Variants in KIF1B observed in about 807,000 individuals in gnomAD.
KIF1B encodes the protein kinesin family member 1B.
A neutral mutation model predicts 241.9 loss-of-function variants in KIF1B; 76 were observed. The observed-to-expected ratio is 0.31, with a 90% CI of 0.26 to 0.38. The LOEUF (loss-of-function observed/expected upper bound fraction) is 0.38, where lower values mean the gene tolerates loss of function less well. Among genes scored for constraint, KIF1B ranks in the 10% least tolerant of loss-of-function variants. The pLI is 1.00. For synonymous variants in KIF1B, 750 were observed against 796.7 expected (o/e 0.94, Z 0.99); for missense variants, 1,622 against 2,271.4 (o/e 0.71, Z 5.81).
chr1:10,318,203 A>C (rs1463387428), intron 22 of KIF1B, among the ~76,000 whole-genome samples: 1 of 151,498 alleles, frequency 6.6e-6, no homozygotes, highest in Non-Finnish European at 1.5e-5. Flanking sequence ...TTCCTTTGTG[A>C]GAATAACTGA....
At chr1:10,225,359 C>T (rs772500801) in intron 1 of KIF1B, among the ~76,000 whole-genome samples, 4 of 152,112 alleles carry the variant, frequency 2.6e-5, no homozygotes, top group Non-Finnish European at 5.9e-5. Flanking sequence ...GTGGTGCACC[C>T]CTGTAGCTCC....
At chr1:10,239,400 T>C (rs1046821352) in intron 2 of KIF1B, among the ~76,000 whole-genome samples, 2 of 152,110 alleles carry the variant, frequency 1.3e-5, no homozygotes, top group Non-Finnish European at 2.9e-5. Flanking sequence ...TTCTATTCTA[T>C]TGCTGCTGAA....
At chr1:10,357,440 C>G (rs1258620619) in intron 38 of KIF1B, among the ~76,000 whole-genome samples, 1 of 152,190 alleles carries the variant, frequency 6.6e-6, no homozygotes, top group African/African-American at 2.4e-5. Flanking sequence ...TTTCTTACAA[C>G]CACCTCTCAA....
At chr1:10,243,687 A>G (rs2102154078) in intron 2 of KIF1B, among the ~76,000 whole-genome samples, 1 of 152,362 alleles carries the variant, frequency 6.6e-6, no homozygotes, top group East Asian at 1.9e-4. Context: ...TTACTATTGG[A>G]GAGCATATCA....
intron 22 of KIF1B, chr1:10,304,468 C>A (rs757702990): frequency 6.2e-7 from 1 of 1,610,092 alleles, no homozygotes; most frequent in Non-Finnish European, 8.5e-7. Flanking sequence ...CCATATTCAT[C>A]AACACCGTCA....
chr1:10,255,538 C>T (rs1446940577), intron 2 of KIF1B, among the ~76,000 whole-genome samples: 1 of 151,666 alleles, frequency 6.6e-6, no homozygotes, highest in Admixed American at 6.6e-5. Context: ...TGCAGTGAGC[C>T]GAGATCACAC....
intron 27 of KIF1B, among the ~76,000 whole-genome samples, 155 bp from the exon 28 acceptor site, chr1:10,334,365 C>G (rs1479886379): frequency 6.6e-6 from 1 of 152,146 alleles, no homozygotes; most frequent in East Asian, 1.9e-4. Flanking sequence ...GAAAAGGCAG[C>G]TGGAGGCAAA....
intron 2 of KIF1B, among the ~76,000 whole-genome samples, chr1:10,234,180 G>T (rs1647018566): frequency 6.6e-6 from 1 of 151,628 alleles, no homozygotes; most frequent in Non-Finnish European, 1.5e-5. Context: ...AGGGATCACA[G>T]AGTTATACCA....
In KIF1B at chr1:10,361,715, T is replaced by A. The variant is rs765279950; in HGVS notation, c.4194T>A (p.Ala1398=). ...AGCTGGATCATTGCATCCAGCCGGC[T>A]GTCATCACCAAGGATGTGTGCATGG... ...YLELDHCIQP[A]VITKDVCMVF... Residue 1398 remains alanine, a synonymous_variant, in exon 40 of 49, where the codon GCT becomes GCA. Coordinates refer to ENST00000676179, the MANE Select transcript of KIF1B (RefSeq NM_001365951.3). 1.9e-6 allele frequency: 3 copies of A among 1,614,098 alleles called. No homozygotes were observed. Among genetic ancestry groups the A allele is most frequent in the Non-Finnish European group, 2.5e-6 (3 of 1,180,028 alleles).
intron 43 of KIF1B, among the ~76,000 whole-genome samples, chr1:10,366,761 A>G (rs924820923): frequency 9.9e-5 from 15 of 152,170 alleles, no homozygotes; most frequent in African/African-American, 2.9e-4. Flanking sequence ...TCACAAGGTC[A>G]GGAGATTGAG....
rs2102206798 is a variant in KIF1B, at chr1:10,268,144, T to A, written c.609-8T>A. 1 of 1,603,212 alleles carries A rather than the reference T, an allele frequency of 6.2e-7. No homozygotes were observed. Among genetic ancestry groups the A allele is most frequent in the South Asian group, 1.1e-5 (1 of 90,686 alleles). ...CCTTGTCACGTGGTCACCTTTATGT[T>A]TATTTAGGACAGTGGCAGCTACAAA... On this transcript the variant is annotated splice_polypyrimidine_tract_variant and splice_region_variant and intron_variant, in intron 6 of 48. Transcript: ENST00000676179.
At chr1:10,360,839 G>A (rs1638402035) in intron 38 of KIF1B, 90 bp from the exon 39 acceptor site, 1 of 861,114 alleles carries the variant, frequency 1.2e-6, no homozygotes, top group Admixed American at 1.7e-5. Flanking sequence ...GTTGGCGTAT[G>A]GTTCTTTAGG....
At chr1:10,293,118 T>C (rs1650088382) in intron 17 of KIF1B, among the ~76,000 whole-genome samples, 1 of 151,600 alleles carries the variant, frequency 6.6e-6, no homozygotes, top group African/African-American at 2.4e-5. Flanking sequence ...AATTCCAATG[T>C]GTTATTTTCA....
At chr1:10,362,749 T>C (rs1234462885) in intron 40 of KIF1B, among the ~76,000 whole-genome samples, 1 of 152,192 alleles carries the variant, frequency 6.6e-6, no homozygotes, top group African/African-American at 2.4e-5. Context: ...TTCAATTTTA[T>C]TCACCCTATT....
rs773576155 is a variant in KIF1B at position 10,296,945 on chromosome 1, C to T, written c.1910C>T (p.Pro637Leu). Residue 637 changes from proline (P) to leucine (L), a missense_variant, in exon 21 of 49, where the codon CCG (proline) becomes CTG (leucine). Physicochemically the swap from Pro to Leu is moderately conservative, Grantham distance 98. Around this residue, in one of 7 missense-constraint regions of KIF1B, gnomAD observed 803 missense variants for 1,112.0 expected, o/e 0.72. Coordinates refer to ENST00000676179, the MANE Select transcript of KIF1B (RefSeq NM_001365951.3). ...GKNHVFRFNH[P>L]EQARAEREKT... ...AACCATGTTTTCCGCTTTAACCACC[C>T]GGAACAAGCACGAGCTGAGCGAGAG... 6.2e-7 allele frequency: 1 copy of T among 1,613,968 alleles called. No individual in the cohort carries two copies. Among genetic ancestry groups the T allele is most frequent in the Non-Finnish European group, 8.5e-7 (1 of 1,179,964 alleles).
At chr1:10,279,845 C>T (rs901377766) in intron 14 of KIF1B, among the ~76,000 whole-genome samples, 2 of 151,750 alleles carry the variant, frequency 1.3e-5, no homozygotes, top group Admixed American at 6.6e-5. Flanking sequence ...TACAGTTGTT[C>T]GCTGCCACAC....
Position 10,292,272 on chromosome 1 carries a change from G to T in KIF1B, c.1590+150G>T, listed in dbSNP as rs980318668. ...CAGATATTTCTGATTTCATCTTAGA[G>T]CATGGTCTTATAGTACAAAGGCAGC... On this transcript the variant is annotated intron_variant, in intron 17 of 48. Coordinates refer to ENST00000676179, the MANE Select transcript of KIF1B (RefSeq NM_001365951.3). The T allele has an allele frequency of 1.1e-5, 8 of 701,394 alleles. No individual in the cohort carries two copies. The East Asian group carries it at 2.2e-4, about 19-fold the overall frequency. The allele number at this position is 701,394 out of a possible 1,614,324, so 43.4% of individuals were successfully genotyped here. A position where few individuals can be genotyped will look rare whatever the true frequency, so the allele number is the denominator to read the frequency against.
At chr1:10,289,307 C>T (rs1649869326) in intron 15 of KIF1B, among the ~76,000 whole-genome samples, 1 of 152,144 alleles carries the variant, frequency 6.6e-6, no homozygotes, top group South Asian at 2.1e-4. Flanking sequence ...GTTCTCTTAT[C>T]TCCTACTGTA....
intron 1 of KIF1B, among the ~76,000 whole-genome samples, chr1:10,222,066 G>A (rs552465444): frequency 1.3e-5 from 2 of 152,248 alleles, no homozygotes; most frequent in Non-Finnish European, 2.9e-5. Context: ...GAGAGGTAAG[G>A]GAACTACTGA....
Sources: allele counts gnomAD v4.1 joint callset (sites outside exome capture counted in the v4.1 genomes callset), GRCh38; gene constraint gnomAD v4.1.1; regional missense constraint gnomAD v4.1.1; transcripts MANE v1.5; gene names NCBI Gene and HGNC (gene_info 2026-07-23, HGNC 2026-07-21).